RILPL1: variants seen among roughly 807,000 people sequenced by gnomAD.
RILPL1 encodes the protein Rab interacting lysosomal protein like 1, also known as RILP-like protein 1.
In RILPL1, 33 loss-of-function variants were observed where a neutral mutation model predicts 50.3. That is an observed-to-expected ratio of 0.66 (90% CI 0.50 to 0.88). The LOEUF is 0.88. Among genes scored for constraint, RILPL1 ranks in the 40% least tolerant of loss-of-function variants. The pLI is 0.00. For missense variants in RILPL1, 418 were observed against 542.5 expected, an observed-to-expected ratio of 0.77 and a Z score of 2.28; for synonymous variants, 205 against 228.6, an observed-to-expected ratio of 0.90 and a Z score of 0.93.
In RILPL1 at chr12:123,521,726, CAT is replaced by C. The variant is rs1197098972; in HGVS notation, c.460+1767_460+1768del. Among the ~76,000 whole-genome samples the C allele has an allele frequency of 2.3e-3, 290 of 124,408 alleles. 19 individuals carry two copies. The highest frequency in any genetic ancestry group is 6.7e-4 in the Non-Finnish European group (41 of 60,960). 81.6% of individuals were successfully genotyped at this position (124,408 alleles called of 152,430 possible). A position where few individuals can be genotyped will look rare whatever the true frequency, so the allele number is the denominator to read the frequency against. Reference sequence around the variant, plus strand: ...ATATATATAAATATATATATACACACATATATGTATATATATAAAAATATATA... The same window carrying C: ...ATATATATAAATATATATATACACACATATGTATATATATAAAAATATATA... On this transcript the variant is annotated intron_variant, in intron 2 of 6. Transcript: ENST00000376874.
At chr12:123,496,973 G>C (rs1277906876) in intron 4 of RILPL1, among the ~76,000 whole-genome samples, 1 of 152,154 alleles carries the variant, frequency 6.6e-6, no homozygotes, top group Admixed American at 6.5e-5. Flanking sequence ...AGCCCCATTC[G>C]GACACCAGTC....
intron 1 of RILPL1, 67 bp from the exon 2 acceptor site, chr12:123,523,712 C>A: frequency 6.5e-7 from 1 of 1,539,826 alleles, no homozygotes; most frequent in African/African-American, 1.4e-5. Context: ...CCACTCCGAC[C>A]CTCAGGGGCA....
chr12:123,477,203 A>T (rs1881651785), intron 6 of RILPL1, among the ~76,000 whole-genome samples: 1 of 152,192 alleles, frequency 6.6e-6, no homozygotes, highest in Non-Finnish European at 1.5e-5. Context: ...TAATTTTTTT[A>T]AAAAGTTGGT....
chr12:123,530,189 A>G (rs895111894), intron 1 of RILPL1, among the ~76,000 whole-genome samples: 3 of 152,192 alleles, frequency 2.0e-5, no homozygotes, highest in Non-Finnish European at 4.4e-5. Flanking sequence ...TTTTTGAGAC[A>G]GAGTCTCACT....
rs201858066 is a variant in RILPL1 at position 123,499,560 on chromosome 12, A to C, written c.461-24T>G. On this transcript the variant is annotated intron_variant, in intron 2 of 6. Coordinates refer to ENST00000376874, the MANE Select transcript of RILPL1 (RefSeq NM_178314.5). ...GCCTGGGTGGGCAAGTGAGACCGGCAGGTGAGCCCGCCTTACTCCTATGTT... is the reference window on the plus strand; with the variant it reads ...GCCTGGGTGGGCAAGTGAGACCGGCCGGTGAGCCCGCCTTACTCCTATGTT... The C allele has an allele frequency of 7.0e-5, 108 of 1,549,490 alleles. No homozygotes were observed. The African/African-American group carries it at 1.4e-3, about 20-fold the overall frequency.
intron 2 of RILPL1, among the ~76,000 whole-genome samples, chr12:123,500,619 G>A (rs887704460): frequency 2.0e-5 from 3 of 152,162 alleles, no homozygotes; most frequent in East Asian, 1.9e-4. Context: ...AGATGACGCT[G>A]CACAGTGATT....
At chr12:123,524,496 C>T (rs1382225379) in intron 1 of RILPL1, among the ~76,000 whole-genome samples, 1 of 152,100 alleles carries the variant, frequency 6.6e-6, no homozygotes, top group Non-Finnish European at 1.5e-5. Context: ...GAATGTTCCT[C>T]GCAGCATTAT....
chr12:123,515,238 A>G (rs754086974), intron 2 of RILPL1: 3 of 152,092 alleles, frequency 2.0e-5, no homozygotes, highest in Non-Finnish European at 2.9e-5. Flanking sequence ...TAATTAAAAT[A>G]CATAATTTTA....
intron 2 of RILPL1, among the ~76,000 whole-genome samples, chr12:123,505,286 C>A (rs1883668229): frequency 6.6e-6 from 1 of 152,196 alleles, no homozygotes; most frequent in African/African-American, 2.4e-5. Flanking sequence ...CCCTCCTCAG[C>A]CTCCCAAAGT....
intron 2 of RILPL1, among the ~76,000 whole-genome samples, chr12:123,510,784 GTA>G (rs1232419201): frequency 2.9e-5 from 3 of 102,404 alleles, no homozygotes; most frequent in African/African-American, 1.1e-4. Context: ...TGTGTGTGTG[GTA>G]TATGTGTGTG....
intron 4 of RILPL1, among the ~76,000 whole-genome samples, chr12:123,487,750 G>A (rs76411856): frequency 2.0e-3 from 303 of 152,310 alleles, no homozygotes; most frequent in Non-Finnish European, 3.7e-3. Context: ...GTATTAGTGT[G>A]GACACTTGTT....
chr12:123,513,285 C>G, intron 2 of RILPL1: 1 of 309,880 alleles, frequency 3.2e-6, no homozygotes, highest in South Asian at 2.3e-5. Flanking sequence ...CCACAAACTC[C>G]TCCCGACCCC....
At chr12:123,532,040 C>T (rs1164823210) in intron 1 of RILPL1, among the ~76,000 whole-genome samples, 3 of 152,206 alleles carry the variant, frequency 2.0e-5, no homozygotes, top group Non-Finnish European at 4.4e-5. Context: ...GGTCTGCCCT[C>T]AGGTAAAGGG....
chr12:123,503,009 TCCCAA>T (rs1883496043), intron 2 of RILPL1, among the ~76,000 whole-genome samples: 1 of 151,576 alleles, frequency 6.6e-6, no homozygotes, highest in Non-Finnish European at 1.5e-5. Context: ...TGCCTCAGCC[TCCCAA>T]GTAGCTGGGA....
chr12:123,517,239 G>C (rs903049716), intron 2 of RILPL1, among the ~76,000 whole-genome samples: 1 of 152,118 alleles, frequency 6.6e-6, no homozygotes, highest in Non-Finnish European at 1.5e-5. Flanking sequence ...CTCCTGCTGA[G>C]AGGCGCTGGA....
chr12:123,472,726 G>C (rs769904325), intron 6 of RILPL1, 44 bp from the exon 7 acceptor site: 1 of 1,573,704 alleles, frequency 6.4e-7, no homozygotes, highest in African/African-American at 1.3e-5. Context: ...CTGACCCTTT[G>C]CTGTGCAAGT....
Position 123,489,313 on chromosome 12 carries a change from G to C in RILPL1, c.802-3508C>G, listed in dbSNP as rs1426868902. ...GAGGCAGGCGGATCACCTGAAGTCA[G>C]GAGTTCGAGACCAGCCTGGACAACA... On this transcript the variant is annotated intron_variant, in intron 4 of 6. Transcript: ENST00000376874. The surrounding 1 kb of genome is among the most constrained non-coding windows in gnomAD (Gnocchi z 4.0). 6.6e-6 allele frequency among the ~76,000 whole-genome samples: 1 copy of C among 152,126 alleles called. No homozygotes were observed. The highest frequency in any genetic ancestry group is 1.5e-5 in the Non-Finnish European group (1 of 68,034).
chr12:123,509,563 C>CA (rs367583334), intron 2 of RILPL1, among the ~76,000 whole-genome samples: 3,097 of 89,346 alleles, frequency 0.035, 75 homozygotes, highest in African/African-American at 0.093. Flanking sequence ...AACTCCGTCT[C>CA]AAAAAAAAAA....
chr12:123,481,370 AAAAG>A (rs1309510343), intron 6 of RILPL1, among the ~76,000 whole-genome samples: 10 of 151,640 alleles, frequency 6.6e-5, no homozygotes, highest in South Asian at 2.1e-4. Context: ...AAAAAAAAAA[AAAAG>A]AAAGAAAGAA....
Sources: allele counts gnomAD v4.1 joint callset (sites outside exome capture counted in the v4.1 genomes callset), GRCh38; gene constraint gnomAD v4.1.1; non-coding constraint Gnocchi (gnomAD v3.1); transcripts MANE v1.5; gene names NCBI Gene and HGNC (gene_info 2026-07-23, HGNC 2026-07-21).